POU6F2: variants seen among roughly 807,000 people sequenced by gnomAD.
POU6F2 encodes the protein POU domain, class 6, transcription factor 2.
In POU6F2, 31 loss-of-function variants were observed where a neutral mutation model predicts 71.3. The ratio of observed to expected loss-of-function variants is 0.43; its 90% CI spans 0.33 to 0.59. The LOEUF is 0.59. Among genes scored for constraint, POU6F2 ranks in the 20% least tolerant of loss-of-function variants. The probability of loss-of-function intolerance (pLI) is 0.04; values close to 1 mark genes in which losing one functional copy is unlikely to be tolerated. For synonymous variants in POU6F2, 347 were observed against 355.7 expected (o/e 0.98, Z 0.27); for missense variants, 783 against 856.8 (o/e 0.91, Z 1.07).
intron 2 of POU6F2, among the ~76,000 whole-genome samples, chr7:39,150,989 A>G (rs1792745166): frequency 6.6e-6 from 1 of 152,044 alleles, no homozygotes; most frequent in South Asian, 2.1e-4. Context: ...TGAAAAAAAA[A>G]TTCTTCTGAT....
At chr7:39,437,494 T>C (rs1788276266) in intron 7 of POU6F2, among the ~76,000 whole-genome samples, 1 of 152,218 alleles carries the variant, frequency 6.6e-6, no homozygotes, top group African/African-American at 2.4e-5. Flanking sequence ...TTATTGTGTC[T>C]GTTTGATTCT....
At chr7:39,443,265 C>T (rs1054782932) in intron 7 of POU6F2, among the ~76,000 whole-genome samples, 1 of 152,204 alleles carries the variant, frequency 6.6e-6, no homozygotes, top group African/African-American at 2.4e-5. Flanking sequence ...CAACAAAGTA[C>T]ACCCCAATCA....
chr7:39,236,855 C>T (rs1794684956), intron 4 of POU6F2, among the ~76,000 whole-genome samples: 1 of 152,138 alleles, frequency 6.6e-6, no homozygotes. Flanking sequence ...GTAGTTTATA[C>T]TAAAACTGTA....
chr7:39,174,027 G>T, intron 2 of POU6F2, among the ~76,000 whole-genome samples: 1 of 152,160 alleles, frequency 6.6e-6, no homozygotes, highest in South Asian at 2.1e-4. Flanking sequence ...CAGAAAACTT[G>T]CTTCTCATGC....
At chr7:39,199,339 G>A (rs1793847897) in intron 2 of POU6F2, among the ~76,000 whole-genome samples, 1 of 152,196 alleles carries the variant, frequency 6.6e-6, no homozygotes, top group South Asian at 2.1e-4. Flanking sequence ...GAGTATATGT[G>A]TTTCTTAAAA....
At chr7:39,298,403 G>T (rs1280400772) in intron 4 of POU6F2, among the ~76,000 whole-genome samples, 1 of 152,034 alleles carries the variant, frequency 6.6e-6, no homozygotes, top group Non-Finnish European at 1.5e-5. Flanking sequence ...CAACAAACAT[G>T]AAAAAAAGCT....
intron 1 of POU6F2, among the ~76,000 whole-genome samples, chr7:39,037,274 A>G (rs1562680737): frequency 6.6e-6 from 1 of 151,912 alleles, no homozygotes; most frequent in Non-Finnish European, 1.5e-5. Context: ...CCCAACCTTC[A>G]TTTATTTTCT....
At chr7:39,329,905 C>G (rs1785602873) in intron 4 of POU6F2, among the ~76,000 whole-genome samples, 1 of 152,182 alleles carries the variant, frequency 6.6e-6, no homozygotes. Flanking sequence ...ATACTTAAAA[C>G]AGTGCCTAAA....
At chr7:39,389,214 A>T (rs1031307909) in intron 5 of POU6F2, among the ~76,000 whole-genome samples, 5 of 151,856 alleles carry the variant, frequency 3.3e-5, no homozygotes, top group Non-Finnish European at 7.4e-5. Context: ...GTGTAGCAAC[A>T]TGACTATATC....
chr7:39,324,839 CAG>C (rs1562790587), intron 4 of POU6F2, among the ~76,000 whole-genome samples: 1 of 152,240 alleles, frequency 6.6e-6, no homozygotes, highest in South Asian at 2.1e-4. Context: ...TTTCTCGCAG[CAG>C]AGTGTAGAAT....
intron 4 of POU6F2, among the ~76,000 whole-genome samples, chr7:39,254,749 T>G (rs1783987575): frequency 6.6e-6 from 1 of 152,224 alleles, no homozygotes; most frequent in South Asian, 2.1e-4. Flanking sequence ...GGTCTCTCGG[T>G]ACCTAATTTC....
intron 5 of POU6F2, among the ~76,000 whole-genome samples, chr7:39,396,216 T>C (rs1787172329): frequency 6.6e-6 from 1 of 152,240 alleles, no homozygotes; most frequent in African/African-American, 2.4e-5. Context: ...CTGACCTCTC[T>C]ACTTCAAAAT....
At chr7:39,275,577 A>G (rs1784421399) in intron 4 of POU6F2, among the ~76,000 whole-genome samples, 1 of 152,246 alleles carries the variant, frequency 6.6e-6, no homozygotes, top group African/African-American at 2.4e-5. Flanking sequence ...GAAACAAAAA[A>G]GAGCCCGCAT....
intron 4 of POU6F2, among the ~76,000 whole-genome samples, chr7:39,261,489 A>G (rs1784138815): frequency 6.6e-6 from 1 of 152,204 alleles, no homozygotes; most frequent in Non-Finnish European, 1.5e-5. Context: ...TTTATAAGGC[A>G]TTGTTCTCAT....
At chr7:39,104,407 C>G (rs928774331) in intron 2 of POU6F2, among the ~76,000 whole-genome samples, 1 of 152,198 alleles carries the variant, frequency 6.6e-6, no homozygotes, top group Non-Finnish European at 1.5e-5. Flanking sequence ...CTTGTTCTCA[C>G]ACGAGTCTTG....
Position 39,451,864 on chromosome 7 carries a change from G to A in POU6F2, c.1489+163G>A, listed in dbSNP as rs183599870. Among the ~76,000 whole-genome samples the A allele has an allele frequency of 3.9e-4, 60 of 152,232 alleles. 1 individual carries two copies. In the East Asian group the frequency reaches 5.4e-3, roughly 14 times the overall value. Reference sequence around the variant, plus strand: ...CTAGGTCAATATTGAGATGAAGTCCGTCCCCAGGACCAGATGGTTCCTTAG... The same window carrying A: ...CTAGGTCAATATTGAGATGAAGTCCATCCCCAGGACCAGATGGTTCCTTAG... On this transcript the variant is annotated intron_variant, in intron 8 of 9. Transcript: ENST00000518318.
intron 4 of POU6F2, among the ~76,000 whole-genome samples, chr7:39,236,010 G>A (rs1001042407): frequency 6.6e-6 from 1 of 152,168 alleles, no homozygotes; most frequent in Non-Finnish European, 1.5e-5. Context: ...TTTCTGGAAC[G>A]TCTCTGGAGT....
intron 4 of POU6F2, among the ~76,000 whole-genome samples, chr7:39,281,609 A>G (rs187859571): frequency 1.3e-5 from 2 of 152,284 alleles, no homozygotes; most frequent in Admixed American, 1.3e-4. Flanking sequence ...AGATTCATCC[A>G]TGTTGCTGCA....
chr7:39,180,761 T>C (rs1306062364), intron 2 of POU6F2, among the ~76,000 whole-genome samples: 1 of 152,114 alleles, frequency 6.6e-6, no homozygotes, highest in Non-Finnish European at 1.5e-5. Flanking sequence ...AGCACATTTG[T>C]TTTTGCACTG....
Sources: allele counts gnomAD v4.1 joint callset (sites outside exome capture counted in the v4.1 genomes callset), GRCh38; gene constraint gnomAD v4.1.1; transcripts MANE v1.5; gene names NCBI Gene and HGNC (gene_info 2026-07-23, HGNC 2026-07-21).